AP3S2: variants seen among roughly 807,000 people sequenced by gnomAD.
AP3S2 encodes the protein adaptor related protein complex 3 subunit sigma 2.
Under a neutral mutation model 23.4 loss-of-function variants are expected in AP3S2, and 22 were observed. The observed-to-expected ratio is 0.94, with a 90% CI of 0.67 to 1.34. AP3S2 has a LOEUF of 1.34. Ranked by LOEUF, AP3S2 falls within the 40% of genes most tolerant of loss-of-function variation. The pLI, the probability that AP3S2 is intolerant of heterozygous loss-of-function variation, is 0.00. For synonymous variants in AP3S2, 86 were observed against 87.1 expected (o/e 0.99, Z 0.07); for missense variants, 241 against 236.9 (o/e 1.02, Z -0.11).
chr15:89,878,295 A>G lies in AP3S2; in HGVS notation c.274-6749T>C, dbSNP rs370618391. On this transcript the variant is annotated intron_variant, in intron 3 of 5. Transcript: ENST00000336418. ...GAGCTATGAAGAAAACAACTTCCAG[A>G]TGTACCTACATAAAGCAAAAAGACC... The G allele has an allele frequency of 4.4e-5, 29 of 665,388 alleles. No homozygotes were observed. The African/African-American group carries it at 5.1e-4, about 12-fold the overall frequency. 41.2% of individuals were successfully genotyped at this position (665,388 alleles called of 1,614,324 possible). A position where few individuals can be genotyped will look rare whatever the true frequency, so the allele number is the denominator to read the frequency against.
At chr15:89,893,481 A>G in intron 1 of AP3S2, 1 of 389,604 alleles carries the variant, frequency 2.6e-6, no homozygotes, top group Non-Finnish European at 4.5e-6. Flanking sequence ...TCTGGCTATA[A>G]CAAAAACTTT....
intron 4 of AP3S2, among the ~76,000 whole-genome samples, chr15:89,871,166 CTATT>C (rs1406950366): frequency 1.3e-5 from 2 of 152,316 alleles, no homozygotes; most frequent in African/African-American, 4.8e-5. Flanking sequence ...CAGCATAAAA[CTATT>C]TATCTCACCT....
At chr15:89,839,217 T>A (rs866015867) in intron 4 of AP3S2, among the ~76,000 whole-genome samples, 2 of 152,214 alleles carry the variant, frequency 1.3e-5, no homozygotes, top group South Asian at 4.1e-4. Context: ...TGTGTCTGCA[T>A]ATCTGGGCAC....
chr15:89,882,971 T>C (rs1896607389), intron 3 of AP3S2, among the ~76,000 whole-genome samples: 1 of 152,196 alleles, frequency 6.6e-6, no homozygotes, highest in Non-Finnish European at 1.5e-5. Context: ...ACTACTGTCA[T>C]CTTTGCTTGA....
At chr15:89,893,802 C>A in intron 1 of AP3S2, 79 bp downstream of exon 1, 3 of 1,434,410 alleles carry the variant, frequency 2.1e-6, no homozygotes, top group East Asian at 2.5e-5. Flanking sequence ...AGCGGTGCCC[C>A]CGGGCGCCGA....
At chr15:89,859,210 CCTTT>C (rs1456318844) in intron 4 of AP3S2, among the ~76,000 whole-genome samples, 2 of 147,656 alleles carry the variant, frequency 1.4e-5, no homozygotes, top group Admixed American at 6.8e-5. Flanking sequence ...CTCCTTGCTT[CCTTT>C]CTCTTTCTTT....
chr15:89,872,375 T>A (rs535408341), intron 3 of AP3S2, among the ~76,000 whole-genome samples: 9 of 151,950 alleles, frequency 5.9e-5, no homozygotes, highest in Middle Eastern at 3.4e-3. Flanking sequence ...CAACTTAAAA[T>A]TTTTTTTTAA....
In AP3S2 at chr15:89,847,643, C is replaced by G. The variant is rs143000642; in HGVS notation, c.346-9921G>C. On this transcript the variant is annotated intron_variant, in intron 4 of 5. Coordinates refer to ENST00000336418, the MANE Select transcript of AP3S2 (RefSeq NM_005829.5). ...AGTTCTGAATCTAATCCCATGTCAA[C>G]AGAGATCACTTAAAAACAGACTGAT... Among the ~76,000 whole-genome samples, 5 of 152,170 alleles carry G rather than the reference C, an allele frequency of 3.3e-5. No homozygotes were observed. The East Asian group carries it at 9.7e-4, about 29-fold the overall frequency.
At chr15:89,849,355 T>C (rs936505116) in intron 4 of AP3S2, among the ~76,000 whole-genome samples, 1 of 152,178 alleles carries the variant, frequency 6.6e-6, no homozygotes, top group Non-Finnish European at 1.5e-5. Flanking sequence ...ATTGTTAATA[T>C]CTAAGTAATG....
chr15:89,882,239 T>C (rs1896587428), intron 3 of AP3S2, among the ~76,000 whole-genome samples: 1 of 152,122 alleles, frequency 6.6e-6, no homozygotes, highest in South Asian at 2.1e-4. Context: ...CATAAAGACT[T>C]AGAGTAGTTT....
intron 4 of AP3S2, among the ~76,000 whole-genome samples, chr15:89,868,253 G>A (rs1896203701): frequency 3.4e-5 from 2 of 58,392 alleles, no homozygotes; most frequent in African/African-American, 1.2e-4. Flanking sequence ...GCCCCGTCTG[G>A]GAGGTGAGGG....
chr15:89,886,686 GT>G (rs1896709729), intron 3 of AP3S2: 1 of 152,182 alleles, frequency 6.6e-6, no homozygotes, highest in Non-Finnish European at 1.5e-5. Context: ...GCTACATACA[GT>G]TAACAGTACT....
chr15:89,882,796 A>G (rs1896603356), intron 3 of AP3S2, among the ~76,000 whole-genome samples: 1 of 152,260 alleles, frequency 6.6e-6, no homozygotes, highest in South Asian at 2.1e-4. Flanking sequence ...TCTGAAAACT[A>G]GTAAAGCAAA....
intron 3 of AP3S2, among the ~76,000 whole-genome samples, chr15:89,884,650 C>CTT (rs200193395): frequency 2.5e-4 from 36 of 142,028 alleles, no homozygotes; most frequent in African/African-American, 5.7e-4. Context: ...ACATCTTCCC[C>CTT]TTTTTTTTTT....
rs147796953 is a variant in AP3S2, at chr15:89,839,778, C to T, written c.346-2056G>A. Among the ~76,000 whole-genome samples, 327 of 151,980 alleles carry T rather than the reference C, an allele frequency of 2.2e-3. 1 individual carries two copies. Among genetic ancestry groups the T allele is most frequent in the Non-Finnish European group, 3.0e-3 (203 of 67,982 alleles). On this transcript the variant is annotated intron_variant, in intron 4 of 5. Coordinates refer to ENST00000336418, the MANE Select transcript of AP3S2 (RefSeq NM_005829.5). ...AGCAGCCCAAGTGTCCATGAACAGA[C>T]GACTGGATCAACAAAATGTGCCATA... is the stretch of plus-strand genomic sequence containing the variant.
intron 4 of AP3S2, among the ~76,000 whole-genome samples, chr15:89,842,133 T>A: frequency 6.8e-6 from 1 of 147,194 alleles, no homozygotes; most frequent in Non-Finnish European, 1.5e-5. Context: ...GAAATGAAGG[T>A]GAAACTGGAA....
intron 1 of AP3S2, among the ~76,000 whole-genome samples, chr15:89,891,117 G>A (rs1896810614): frequency 6.6e-6 from 1 of 152,130 alleles, no homozygotes; most frequent in Non-Finnish European, 1.5e-5. Context: ...GGCAGCAGTG[G>A]GGAAGTGGTA....
At chr15:89,889,324 G>A (rs922780171) in intron 1 of AP3S2, 184 bp from the exon 2 acceptor site, 1 of 633,560 alleles carries the variant, frequency 1.6e-6, no homozygotes, top group African/African-American at 1.8e-5. Flanking sequence ...GGGTGACAAT[G>A]CTCTGATACA....
At chr15:89,889,299 G>C (rs537627346) in intron 1 of AP3S2, 159 bp from the exon 2 acceptor site, 1 of 718,252 alleles carries the variant, frequency 1.4e-6, no homozygotes, top group South Asian at 1.9e-5. Flanking sequence ...AAATAGGAGT[G>C]AATCTATGAA....
Sources: allele counts gnomAD v4.1 joint callset (sites outside exome capture counted in the v4.1 genomes callset), GRCh38; gene constraint gnomAD v4.1.1; transcripts MANE v1.5; gene names NCBI Gene and HGNC (gene_info 2026-07-23, HGNC 2026-07-21).